The following RAD51B variants were observed in gnomAD, a reference collection of about 807,000 sequenced individuals.
RAD51B encodes RAD51 paralog B.
In RAD51B, 38 loss-of-function variants were observed where a neutral mutation model predicts 42.2. The ratio of observed to expected loss-of-function variants is 0.90; its 90% CI spans 0.70 to 1.18. The LOEUF is 1.18. Ranked by LOEUF, RAD51B falls within the 50% of genes most tolerant of loss-of-function variation. The probability of loss-of-function intolerance (pLI) is 0.00; values close to 1 mark genes in which losing one functional copy is unlikely to be tolerated. For synonymous variants in RAD51B, 154 were observed against 145.2 expected, an observed-to-expected ratio of 1.06 and a Z score of -0.43; for missense variants, 373 against 400.7, an observed-to-expected ratio of 0.93 and a Z score of 0.59.
intron 7 of RAD51B, among the ~76,000 whole-genome samples, chr14:67,939,017 GTGTC>G (rs950543396): frequency 2.0e-5 from 3 of 152,194 alleles, no homozygotes; most frequent in Admixed American, 6.5e-5. Context: ...AACATTTAAA[GTGTC>G]TGGGCTCTAA....
At chr14:68,496,957 A>C (rs974952031) in intron 10 of RAD51B, among the ~76,000 whole-genome samples, 3 of 152,198 alleles carry the variant, frequency 2.0e-5, no homozygotes, top group Non-Finnish European at 4.4e-5. Flanking sequence ...CGAAACTACA[A>C]GTTCTCTCTC....
intron 7 of RAD51B, among the ~76,000 whole-genome samples, chr14:68,189,880 G>A (rs2079229009): frequency 6.6e-6 from 1 of 152,020 alleles, no homozygotes; most frequent in Non-Finnish European, 1.5e-5. Flanking sequence ...TGATCAGGCT[G>A]GCCTTGAACT....
At chr14:68,624,927 C>T (rs1566958241) in intron 10 of RAD51B, among the ~76,000 whole-genome samples, 1 of 152,166 alleles carries the variant, frequency 6.6e-6, no homozygotes, top group African/African-American at 2.4e-5. Flanking sequence ...CTGCAGGTGC[C>T]ACACATGGAG....
chr14:68,484,988 A>G (rs1301787300), intron 10 of RAD51B, among the ~76,000 whole-genome samples: 4 of 152,206 alleles, frequency 2.6e-5, no homozygotes, highest in African/African-American at 7.2e-5. Context: ...GAATCTGATT[A>G]GCTCGGACTT....
chr14:68,579,530 A>C (rs1890117259), intron 10 of RAD51B, among the ~76,000 whole-genome samples: 1 of 152,214 alleles, frequency 6.6e-6, no homozygotes, highest in South Asian at 2.1e-4. Context: ...TAAGATGAAC[A>C]ATGAATACTT....
At chr14:68,493,125 C>A (rs1246480923) in intron 10 of RAD51B, among the ~76,000 whole-genome samples, 2 of 152,050 alleles carry the variant, frequency 1.3e-5, no homozygotes, top group Non-Finnish European at 2.9e-5. Context: ...GCATTTGGCT[C>A]ACCTGGAGGG....
At chr14:68,243,486 A>G (rs2080434385) in intron 7 of RAD51B, among the ~76,000 whole-genome samples, 1 of 152,162 alleles carries the variant, frequency 6.6e-6, no homozygotes, top group Admixed American at 6.6e-5. Flanking sequence ...ATATTTTCCG[A>G]GACCTAGACC....
chr14:68,351,376 C>G (rs748459301), intron 8 of RAD51B, among the ~76,000 whole-genome samples: 8 of 152,182 alleles, frequency 5.3e-5, no homozygotes, highest in Non-Finnish European at 1.2e-4. Flanking sequence ...CTCTCTCTCT[C>G]TTTCCTTTTT....
rs1002704509 is a variant in RAD51B at position 68,230,608 on chromosome 14, G to C, written c.757-61276G>C. Among the ~76,000 whole-genome samples, 7 of 152,114 alleles carry C rather than the reference G, an allele frequency of 4.6e-5. No homozygotes were observed. The East Asian group carries it at 1.4e-3, about 29-fold the overall frequency. ...CCTACCAAAAAAAGGACATTCAAAG[G>C]CAACAGATGTCTACTACAAAATCTG... On this transcript the variant is annotated intron_variant, in intron 7 of 10. Transcript: ENST00000471583.
At chr14:68,391,865 C>T (rs1025738569) in intron 8 of RAD51B, among the ~76,000 whole-genome samples, 3 of 152,172 alleles carry the variant, frequency 2.0e-5, no homozygotes, top group Non-Finnish European at 2.9e-5. Context: ...TATATCCAGT[C>T]ACTGCAATCG....
downstream of RAD51B, among the ~76,000 whole-genome samples, chr14:68,600,418 A>T (rs941287745): frequency 6.6e-6 from 1 of 152,086 alleles, no homozygotes; most frequent in African/African-American, 2.4e-5. Flanking sequence ...TAAACTCTAG[A>T]CTGGGAGTGT....
intron 7 of RAD51B, among the ~76,000 whole-genome samples, chr14:67,897,592 A>G (rs1454310157): frequency 6.6e-6 from 1 of 152,164 alleles, no homozygotes; most frequent in Non-Finnish European, 1.5e-5. Context: ...TTATTATTTA[A>G]AAACCCACAA....
At chr14:68,121,086 A>T (rs435620) in intron 7 of RAD51B, among the ~76,000 whole-genome samples, 44,188 of 151,914 alleles carry the variant, frequency 0.29, 9,106 homozygotes, top group African/African-American at 0.59. Flanking sequence ...TGTCCCTGAG[A>T]TCATGAAATT....
At chr14:68,062,403 A>G (rs2076581430) in intron 7 of RAD51B, among the ~76,000 whole-genome samples, 1 of 152,068 alleles carries the variant, frequency 6.6e-6, no homozygotes, top group Non-Finnish European at 1.5e-5. Context: ...GTAATGCTGG[A>G]CTTATAGAAT....
chr14:68,679,009 C>T (rs1893370772), intron 11 of RAD51B, among the ~76,000 whole-genome samples: 1 of 152,180 alleles, frequency 6.6e-6, no homozygotes, highest in African/African-American at 2.4e-5. Flanking sequence ...GCCCCCACCC[C>T]CTCAAATTGG....
chr14:68,156,455 T>TCTCTCTCTCTCTCTC (rs2078508050), intron 7 of RAD51B, among the ~76,000 whole-genome samples: 3 of 114,266 alleles, frequency 2.6e-5, no homozygotes, highest in Admixed American at 1.8e-4. Context: ...CTTAGAAAAT[T>TCTCTCTCTCTCTCTC]TCTCTCTCTC....
intron 5 of RAD51B, among the ~76,000 whole-genome samples, chr14:67,874,045 A>G (rs948017316): frequency 2.0e-5 from 3 of 152,024 alleles, no homozygotes; most frequent in African/African-American, 7.3e-5. Context: ...ATATGTAACT[A>G]ACCTGCACAT....
intron 7 of RAD51B, among the ~76,000 whole-genome samples, chr14:68,225,649 C>T (rs1249337115): frequency 1.3e-5 from 2 of 152,066 alleles, no homozygotes; most frequent in African/African-American, 4.8e-5. Flanking sequence ...AGAGTTCAGC[C>T]ACAAAGGTGA....
intron 10 of RAD51B, among the ~76,000 whole-genome samples, chr14:68,550,353 T>A (rs1888472883): frequency 6.6e-6 from 1 of 152,252 alleles, no homozygotes; most frequent in Non-Finnish European, 1.5e-5. Flanking sequence ...ATTCATGGAA[T>A]CTTTCATGCT....
Sources: gnomAD v4.1 joint callset for allele counts (sites outside exome capture counted in the v4.1 genomes callset) on GRCh38, gnomAD v4.1.1 for gene constraint, MANE v1.5 for transcripts, NCBI Gene and HGNC (gene_info 2026-07-23, HGNC 2026-07-21) for gene names.